Variants in CHRM3 observed in about 807,000 individuals in gnomAD.
CHRM3 encodes the protein cholinergic receptor muscarinic 3.
CHRM3 carries 11 observed loss-of-function variants against 41.8 expected under a neutral mutation model. That is an observed-to-expected ratio of 0.26 (90% CI 0.17 to 0.44). The LOEUF (loss-of-function observed/expected upper bound fraction) is 0.44. Ranked by LOEUF, CHRM3 falls within the 20% of genes least tolerant of loss-of-function variation. The probability of loss-of-function intolerance (pLI) is 1.00; values close to 1 mark genes in which losing one functional copy is unlikely to be tolerated. For synonymous variants in CHRM3, 297 were observed against 301.4 expected (o/e 0.99, Z 0.15); for missense variants, 571 against 745.4 (o/e 0.77, Z 2.72).
rs1019959399 is a variant in CHRM3 at position 239,793,799 on chromosome 1, G to T, written c.-146-33453G>T. 3.2e-3 allele frequency among the ~76,000 whole-genome samples: 245 copies of T among 77,626 alleles called. 1 individual carries two copies. The highest frequency in any genetic ancestry group is 6.8e-3 in the South Asian group (16 of 2,346). The allele number at this position is 77,626 out of a possible 152,430, so 50.9% of individuals were successfully genotyped here. On this transcript the variant is annotated intron_variant, in intron 5 of 6. Transcript: ENST00000676153. The stretch of plus-strand genomic sequence containing the variant: ...AACATGAACTTGTCAGAAATGAAAT[G>T]TGTATTTTTTTTTTTTTTTTTTTTT...
intron 5 of CHRM3, among the ~76,000 whole-genome samples, chr1:239,738,553 C>T (rs541157775): frequency 6.6e-6 from 1 of 152,220 alleles, no homozygotes; most frequent in South Asian, 2.1e-4. Flanking sequence ...ACAGTGCTTC[C>T]CTAGGAAAGT....
At chr1:239,637,744 G>T in intron 4 of CHRM3, among the ~76,000 whole-genome samples, 1 of 138,248 alleles carries the variant, frequency 7.2e-6, no homozygotes, top group African/African-American at 2.7e-5. Flanking sequence ...GTATTTCTTT[G>T]TGAATTTTCT....
chr1:239,591,089 T>A (rs1050298614), intron 3 of CHRM3, among the ~76,000 whole-genome samples: 2 of 152,204 alleles, frequency 1.3e-5, no homozygotes, highest in Non-Finnish European at 2.9e-5. Flanking sequence ...CATTGAAAGT[T>A]ATGGAAAGCT....
intron 5 of CHRM3, among the ~76,000 whole-genome samples, chr1:239,826,126 A>G (rs905852207): frequency 7.2e-5 from 11 of 152,200 alleles, no homozygotes; most frequent in African/African-American, 2.4e-4. Context: ...AGGGAAGGAT[A>G]TATATCATTG....
At chr1:239,517,341 C>T (rs1013416441) in intron 2 of CHRM3, among the ~76,000 whole-genome samples, 2 of 152,250 alleles carry the variant, frequency 1.3e-5, no homozygotes, top group Non-Finnish European at 2.9e-5. Flanking sequence ...AATGTGAAAG[C>T]GGAGGTACAG....
intron 6 of CHRM3, among the ~76,000 whole-genome samples, chr1:239,905,252 G>A (rs1679880278): frequency 6.6e-6 from 1 of 152,192 alleles, no homozygotes; most frequent in Non-Finnish European, 1.5e-5. Context: ...AGCTGGTGGA[G>A]AGGCAGCACA....
chr1:239,908,585 C>T lies in CHRM3; in HGVS notation c.1134C>T (p.Leu378=), dbSNP rs1273159808. The T allele has an allele frequency of 6.3e-7, 1 of 1,596,920 alleles. No individual in the cohort carries two copies. Among genetic ancestry groups the T allele is most frequent in the Non-Finnish European group, 8.5e-7 (1 of 1,171,838 alleles). The part of the protein sequence containing the change: ...VLKLPGHSTI[L]NSTKLPSSDN... ...AGCTTCCGGGTCACAGCACCATCCT[C>T]AACTCCACCAAGTTACCCTCATCGG... The change falls in exon 7 of 7, where the codon CTC becomes CTT. Residue 378 remains leucine (L), a synonymous_variant. Coordinates refer to ENST00000676153, the MANE Select transcript of CHRM3 (RefSeq NM_001375978.1). The surrounding 1 kb of genome is among the most constrained non-coding windows in gnomAD (Gnocchi z 7.2).
At chr1:239,391,895 C>G (rs975200282) in intron 1 of CHRM3, among the ~76,000 whole-genome samples, 3 of 152,162 alleles carry the variant, frequency 2.0e-5, no homozygotes, top group East Asian at 1.9e-4. Context: ...GACTCAGGAG[C>G]CTGGCCCTTC....
chr1:239,824,165 C>G (rs981965212), intron 5 of CHRM3, among the ~76,000 whole-genome samples: 3 of 152,104 alleles, frequency 2.0e-5, no homozygotes, highest in Admixed American at 6.6e-5. Context: ...GTTCTCTACT[C>G]TAAAATATAA....
chr1:239,746,224 G>T (rs1333476375), intron 5 of CHRM3, among the ~76,000 whole-genome samples: 1 of 152,198 alleles, frequency 6.6e-6, no homozygotes, highest in Non-Finnish European at 1.5e-5. Flanking sequence ...TTTGTTGAAG[G>T]TAACTCTTCG....
In CHRM3 at chr1:239,913,359, T is replaced by TA. The variant is rs1240322222; in HGVS notation, c.*4137dup. 6.0e-6 allele frequency: 1 copy of TA among 166,346 alleles called. No individual in the cohort carries two copies. The highest frequency in any genetic ancestry group is 6.6e-5 in the Admixed American group (1 of 15,254). 10.3% of individuals were successfully genotyped at this position (166,346 alleles called of 1,614,324 possible). On this transcript the variant is annotated 3_prime_UTR_variant, in exon 7 of 7. Coordinates refer to ENST00000676153, the MANE Select transcript of CHRM3 (RefSeq NM_001375978.1). ...ACAACACTCCAAAGTTATTTTTTTT[T>TA]AACCTAAAGAACCCTACTTCTAGCA...
intron 4 of CHRM3, among the ~76,000 whole-genome samples, chr1:239,640,751 G>A (rs1268370169): frequency 3.3e-5 from 5 of 150,382 alleles, no homozygotes; most frequent in Non-Finnish European, 7.4e-5. Flanking sequence ...AGGGCTTTTT[G>A]TGTCTCTATT....
chr1:239,570,525 T>G (rs576828733), intron 3 of CHRM3, among the ~76,000 whole-genome samples: 1 of 152,356 alleles, frequency 6.6e-6, no homozygotes, highest in South Asian at 2.1e-4. Context: ...TTTCTCATGT[T>G]TGTTACTAAC....
intron 3 of CHRM3, among the ~76,000 whole-genome samples, chr1:239,588,045 C>G (rs1663607130): frequency 6.6e-6 from 1 of 152,194 alleles, no homozygotes; most frequent in Non-Finnish European, 1.5e-5. Flanking sequence ...GCTCTGCTCT[C>G]CTAATTCAAA....
At chr1:239,848,882 G>C (rs1674483502) in intron 6 of CHRM3, among the ~76,000 whole-genome samples, 1 of 152,086 alleles carries the variant, frequency 6.6e-6, no homozygotes, top group South Asian at 2.1e-4. Flanking sequence ...GCACATACAT[G>C]AATACAGTTT....
At chr1:239,602,089 C>A (rs1016319721) in intron 3 of CHRM3, among the ~76,000 whole-genome samples, 3 of 13,076 alleles carry the variant, frequency 2.3e-4, no homozygotes, top group East Asian at 9.4e-3. Context: ...TACATATATA[C>A]ATGTGTGTGT....
intron 5 of CHRM3, among the ~76,000 whole-genome samples, chr1:239,791,398 C>A (rs1017022538): frequency 6.6e-6 from 1 of 152,182 alleles, no homozygotes; most frequent in Non-Finnish European, 1.5e-5. Context: ...AACCACCATG[C>A]CCAGCCAGTA....
intron 1 of CHRM3, among the ~76,000 whole-genome samples, chr1:239,473,263 GAAAAAAA>G (rs200627399): frequency 2.5e-5 from 2 of 80,498 alleles, no homozygotes; most frequent in African/African-American, 8.0e-5. Context: ...AAGCATATTT[GAAAAAAA>G]AAAAAAAAAA....
chr1:239,631,780 A>C (rs1438036933), intron 3 of CHRM3, among the ~76,000 whole-genome samples: 1 of 152,176 alleles, frequency 6.6e-6, no homozygotes, highest in East Asian at 1.9e-4. Context: ...GTATATTTCG[A>C]ATAGTGTCTG....
Sources: gnomAD v4.1 joint callset for allele counts (sites outside exome capture counted in the v4.1 genomes callset) on GRCh38, gnomAD v4.1.1 for gene constraint, Gnocchi (gnomAD v3.1) non-coding constraint, MANE v1.5 for transcripts, NCBI Gene and HGNC (gene_info 2026-07-23, HGNC 2026-07-21) for gene names.